PKD1L1: variants seen among roughly 807,000 people sequenced by gnomAD.
The protein encoded by PKD1L1 is polycystin 1 like 1, transient receptor potential channel interacting, also known as polycystin-1-like protein 1.
Under a neutral mutation model 323.4 loss-of-function variants are expected in PKD1L1, and 236 were observed. The ratio of observed to expected loss-of-function variants is 0.73; its 90% CI spans 0.66 to 0.81. The LOEUF is 0.81. Among genes scored for constraint, PKD1L1 ranks in the 40% least tolerant of loss-of-function variants. The probability of loss-of-function intolerance (pLI) is 0.00; values close to 1 mark genes in which losing one functional copy is unlikely to be tolerated. For missense variants in PKD1L1, 3,320 were observed against 3,508.0 expected (o/e 0.95, Z 1.35); for synonymous variants, 1,344 against 1,335.0 (o/e 1.01, Z -0.15).
intron 52 of PKD1L1, among the ~76,000 whole-genome samples, chr7:47,806,384 A>G (rs1294453064): frequency 3.3e-5 from 5 of 152,224 alleles, no homozygotes; most frequent in African/African-American, 1.2e-4. Context: ...AGTGTCAGGC[A>G]TGTCGGCATT....
chr7:47,860,559 T>C (rs1300673448), intron 26 of PKD1L1, among the ~76,000 whole-genome samples: 1 of 152,182 alleles, frequency 6.6e-6, no homozygotes, highest in African/African-American at 2.4e-5. Context: ...TTAAACTAAT[T>C]TGGAAATGCG....
intron 24 of PKD1L1, among the ~76,000 whole-genome samples, chr7:47,870,843 T>C (rs915269531): frequency 5.9e-5 from 9 of 151,902 alleles, no homozygotes; most frequent in Non-Finnish European, 2.9e-5. Context: ...CATGGTGGCA[T>C]GTGCCTATAA....
intron 26 of PKD1L1, among the ~76,000 whole-genome samples, chr7:47,859,663 A>G (rs117666749): frequency 0.23 from 33,405 of 143,218 alleles, 4,243 homozygotes; most frequent in Admixed American, 0.36. Flanking sequence ...GTTTGACTCT[A>G]TCGCCCAGGC....
In PKD1L1 at chr7:47,876,412, C is replaced by A. The variant is rs183296078; in HGVS notation, c.3664-195G>T. Reference sequence around the variant, plus strand: ...CCTGCAGGGCTCTCCATTCACCAAGCCCAAAGGGCTCCTCGAACAACACTG... The same window carrying A: ...CCTGCAGGGCTCTCCATTCACCAAGACCAAAGGGCTCCTCGAACAACACTG... On this transcript the variant is annotated intron_variant, in intron 22 of 56. Transcript: ENST00000289672. 1.5e-3 allele frequency among the ~76,000 whole-genome samples: 228 copies of A among 152,260 alleles called. 1 individual carries two copies. The highest frequency in any genetic ancestry group is 5.2e-3 in the African/African-American group (218 of 41,544).
intron 14 of PKD1L1, among the ~76,000 whole-genome samples, chr7:47,895,621 T>C (rs1017893482): frequency 1.3e-5 from 2 of 152,222 alleles, no homozygotes; most frequent in African/African-American, 4.8e-5. Context: ...TAAACATATA[T>C]ATGTGCTTTA....
Position 47,840,044 on chromosome 7 carries a change from AG to A in PKD1L1, c.5553-383del, listed in dbSNP as rs1785535882. Among the ~76,000 whole-genome samples the A allele has an allele frequency of 6.6e-6, 1 of 152,204 alleles. No homozygotes were observed. Among genetic ancestry groups the A allele is most frequent in the Non-Finnish European group, 1.5e-5 (1 of 68,034 alleles). ...AATTTACCAGGAGAAAAAATAATTTAGCTCAGTCCTTTCATATTTTCTAAGA... is the reference window on the plus strand; with the variant it reads ...AATTTACCAGGAGAAAAAATAATTTACTCAGTCCTTTCATATTTTCTAAGA... On this transcript the variant is annotated intron_variant, in intron 35 of 56. Transcript: ENST00000289672. The surrounding 1 kb of genome is among the most constrained non-coding windows in gnomAD (Gnocchi z 4.1).
At chr7:47,814,050 G>T (rs1382136562) in intron 47 of PKD1L1, 36 bp from the exon 48 acceptor site, 1 of 1,574,870 alleles carries the variant, frequency 6.3e-7, no homozygotes. Flanking sequence ...GACTGGGTGT[G>T]CTGTGGACTT....
chr7:47,943,595 A>T, intron 1 of PKD1L1, 84 bp from the exon 2 acceptor site: 1 of 1,080,748 alleles, frequency 9.3e-7, no homozygotes, highest in Non-Finnish European at 1.4e-6. Flanking sequence ...TCTTCCATCC[A>T]TATCCATATT....
chr7:47,830,261 G>T (rs1235335573), intron 42 of PKD1L1, 137 bp from the exon 43 acceptor site: 23 of 676,544 alleles, frequency 3.4e-5, no homozygotes, highest in Non-Finnish European at 5.9e-5. Context: ...TGTGGGGGTG[G>T]TGCTGGACAT....
chr7:47,928,854 T>C (rs945936938), intron 7 of PKD1L1, among the ~76,000 whole-genome samples: 60 of 152,212 alleles, frequency 3.9e-4, no homozygotes, highest in African/African-American at 1.3e-3. Flanking sequence ...ATTTAAGTAA[T>C]TTTTCAATAG....
At chr7:47,915,859 T>A in intron 7 of PKD1L1, among the ~76,000 whole-genome samples, 1 of 152,008 alleles carries the variant, frequency 6.6e-6, no homozygotes, top group Admixed American at 6.6e-5. Flanking sequence ...ATTAAATAGA[T>A]AATTATAAAA....
chr7:47,893,589 C>T (rs1786869939), intron 15 of PKD1L1, among the ~76,000 whole-genome samples: 1 of 152,160 alleles, frequency 6.6e-6, no homozygotes, highest in Admixed American at 6.5e-5. Context: ...CCAAGCCTTC[C>T]ACACACCACG....
At chr7:47,949,386 A>T (rs1367779747), upstream of PKD1L1, among the ~76,000 whole-genome samples, 1 of 142,382 alleles carries the variant, frequency 7.0e-6, no homozygotes, top group East Asian at 2.1e-4. Context: ...AAAAAAAAAA[A>T]AAAAAGCTGT....
intron 11 of PKD1L1, among the ~76,000 whole-genome samples, chr7:47,904,857 A>C (rs1174026850): frequency 1.3e-5 from 2 of 152,194 alleles, no homozygotes; most frequent in African/African-American, 4.8e-5. Flanking sequence ...AGGGGTAAGC[A>C]TCATTGCCCT....
chr7:47,836,930 C>A lies in PKD1L1; in HGVS notation c.5934G>T (p.Gly1978=). Residue 1978 remains glycine (G), a synonymous_variant, in exon 37 of 57, where the codon GGG becomes GGT. Transcript: ENST00000289672. The part of the protein sequence containing the change: ...ACLTALVAAG[G]QEQPHLDVSP... Reference sequence around the variant, plus strand: ...AAGCGATGGCTCTCACCTGCTCTTGCCCTCCAGCAGCAACCAGGGCAGTGA... The same window carrying A: ...AAGCGATGGCTCTCACCTGCTCTTGACCTCCAGCAGCAACCAGGGCAGTGA... 1.2e-6 allele frequency: 2 copies of A among 1,613,580 alleles called. No homozygotes were observed. The highest frequency in any genetic ancestry group is 1.7e-5 in the Admixed American group (1 of 59,992).
intron 56 of PKD1L1, among the ~76,000 whole-genome samples, chr7:47,777,663 T>C (rs951283346): frequency 6.6e-6 from 1 of 152,146 alleles, no homozygotes; most frequent in Non-Finnish European, 1.5e-5. Context: ...AGAAATTAGT[T>C]AGGTAAAAGC....
At chr7:47,846,855 A>T in intron 32 of PKD1L1, 24 bp downstream of exon 32, 1 of 1,571,290 alleles carries the variant, frequency 6.4e-7, no homozygotes, top group Non-Finnish European at 8.6e-7. Context: ...AAAATCTCAG[A>T]TTCTTTCTCA....
intron 56 of PKD1L1, among the ~76,000 whole-genome samples, chr7:47,781,425 T>C (rs1424410604): frequency 1.4e-5 from 2 of 141,486 alleles, no homozygotes; most frequent in Non-Finnish European, 3.0e-5. Flanking sequence ...TTTTTTTTTT[T>C]TGAGACAGAG....
intron 26 of PKD1L1, among the ~76,000 whole-genome samples, chr7:47,859,446 C>A (rs1340264047): frequency 6.6e-6 from 1 of 152,010 alleles, no homozygotes; most frequent in African/African-American, 2.4e-5. Flanking sequence ...CTGCTTTTCT[C>A]TCTCTCTGTT....
Sources: allele counts gnomAD v4.1 joint callset (sites outside exome capture counted in the v4.1 genomes callset), GRCh38; gene constraint gnomAD v4.1.1; non-coding constraint Gnocchi (gnomAD v3.1); transcripts MANE v1.5; gene names NCBI Gene and HGNC (gene_info 2026-07-23, HGNC 2026-07-21).